Variants in GAK observed in about 807,000 individuals in gnomAD.
GAK encodes cyclin-G-associated kinase.
GAK carries 79 observed loss-of-function variants against 143.9 expected under a neutral mutation model. That is an observed-to-expected ratio of 0.55 (90% CI 0.46 to 0.66). The LOEUF (loss-of-function observed/expected upper bound fraction) is 0.66, where lower values mean the gene tolerates loss of function less well. GAK is among the 30% of genes least tolerant of loss of function. GAK has a pLI of 0.00. For missense variants in GAK, 1,693 were observed against 1,779.7 expected, an observed-to-expected ratio of 0.95 and a Z score of 0.88; for synonymous variants, 881 against 765.5, an observed-to-expected ratio of 1.15 and a Z score of -2.49.
intron 20 of GAK, among the ~76,000 whole-genome samples, chr4:868,183 C>A (rs556611256): frequency 2.0e-5 from 3 of 152,252 alleles, no homozygotes; most frequent in Admixed American, 2.0e-4. Flanking sequence ...GGTGTGGGAT[C>A]CCCAGGTGGT....
At chr4:876,411 C>A (rs1713888140) in intron 18 of GAK, 119 bp downstream of exon 18, 2 of 834,522 alleles carry the variant, frequency 2.4e-6, no homozygotes, top group Admixed American at 4.0e-5. Context: ...CCCAGAGCCA[C>A]CAAGCAGCAG....
At chr4:907,397 T>C (rs1215378061) in intron 4 of GAK, among the ~76,000 whole-genome samples, 2 of 151,974 alleles carry the variant, frequency 1.3e-5, no homozygotes, top group Non-Finnish European at 2.9e-5. Flanking sequence ...GGGGCACCCA[T>C]AGAAGGAATG....
intron 18 of GAK, 59 bp downstream of exon 18, chr4:876,471 A>G: frequency 1.4e-6 from 2 of 1,451,024 alleles, no homozygotes; most frequent in Non-Finnish European, 1.9e-6. Flanking sequence ...GCCCACATGC[A>G]GGTGCTGCGG....
chr4:859,503 C>T, intron 24 of GAK, 103 bp downstream of exon 24: 1 of 1,600,264 alleles, frequency 6.2e-7, no homozygotes, highest in Non-Finnish European at 8.5e-7. Context: ...TCTTAGTGAA[C>T]AGAGGCAAAG....
chr4:930,356 T>G (rs1279513676), intron 1 of GAK, among the ~76,000 whole-genome samples: 1 of 152,032 alleles, frequency 6.6e-6, no homozygotes, highest in Non-Finnish European at 1.5e-5. Context: ...GGAAACAAGT[T>G]CTTTTGCACA....
At chr4:904,908 CA>C (rs1720792641) in intron 4 of GAK, 129 bp from the exon 5 acceptor site, 1 of 871,460 alleles carries the variant, frequency 1.1e-6, no homozygotes, top group South Asian at 1.7e-5. Context: ...ACCTAAGTAA[CA>C]AAACGACCAG....
At chr4:920,679 GACT>G (rs954605490) in intron 1 of GAK, among the ~76,000 whole-genome samples, 2 of 151,590 alleles carry the variant, frequency 1.3e-5, no homozygotes, top group Non-Finnish European at 2.9e-5. Context: ...AAGTAGCTGG[GACT>G]ACAGGCGCCC....
At chr4:909,715 T>C (rs1325463654) in intron 4 of GAK, among the ~76,000 whole-genome samples, 1 of 152,120 alleles carries the variant, frequency 6.6e-6, no homozygotes, top group Non-Finnish European at 1.5e-5. Context: ...ACGGTTAGAA[T>C]GGAGAGAGGG....
At chr4:876,324 G>A (rs555713215) in intron 18 of GAK, among the ~76,000 whole-genome samples, 7 of 151,856 alleles carry the variant, frequency 4.6e-5, no homozygotes, top group East Asian at 2.0e-4. Context: ...ACACACCAAC[G>A]GGGGGGCAGA....
chr4:849,524 C>T lies in GAK; in HGVS notation c.*149G>A, dbSNP rs1747675372. 3.2e-6 allele frequency: 2 copies of T among 619,702 alleles called. No homozygotes were observed. 38.4% of individuals were successfully genotyped at this position (619,702 alleles called of 1,614,324 possible). ...TTTGGAATGCTTTCTCTTCATGTGC[C>T]TGGAACGCTGGGCGGGCGGTGACCC... On this transcript the variant is annotated 3_prime_UTR_variant, in exon 28 of 28. Coordinates refer to ENST00000314167, the MANE Select transcript of GAK (RefSeq NM_005255.4).
At chr4:928,233 T>C (rs1029373640) in intron 1 of GAK, among the ~76,000 whole-genome samples, 3 of 152,206 alleles carry the variant, frequency 2.0e-5, no homozygotes, top group Non-Finnish European at 4.4e-5. Flanking sequence ...AGTTTTTGTA[T>C]TTTCAGTAGA....
chr4:887,134 C>G (rs539795700), intron 11 of GAK: 29 of 151,946 alleles, frequency 1.9e-4, no homozygotes, highest in African/African-American at 7.0e-4. Context: ...GCACGCGGCT[C>G]ACACACATGC....
chr4:876,926 C>T (rs1714032784), intron 17 of GAK, among the ~76,000 whole-genome samples, 164 bp downstream of exon 17: 1 of 152,236 alleles, frequency 6.6e-6, no homozygotes, highest in East Asian at 1.9e-4. Context: ...GTGCACGGGG[C>T]AAGCAGGGGG....
At position 923,354 on chromosome 4, in the gene GAK, A is replaced by G. The variant is rs181771214; in HGVS notation, c.145+8689T>C. Among the ~76,000 whole-genome samples, 14 of 152,350 alleles carry G rather than the reference A, an allele frequency of 9.2e-5. No homozygotes were observed. The East Asian group carries it at 2.3e-3, about 25-fold the overall frequency. ...CAAGACCCTGTTATATACATTTTAC[A>G]GCACACACTCTGCCAATTAAGGAAC... On this transcript the variant is annotated intron_variant, in intron 1 of 27. Transcript: ENST00000314167.
At chr4:872,092 G>A (rs538998144) in intron 18 of GAK, among the ~76,000 whole-genome samples, 15 of 152,334 alleles carry the variant, frequency 9.8e-5, no homozygotes, top group African/African-American at 1.2e-4. Context: ...AGACGGGCCC[G>A]GCGGCCTGTG....
chr4:912,185 A>G (rs759338261), intron 3 of GAK: 26 of 456,938 alleles, frequency 5.7e-5, no homozygotes, highest in Non-Finnish European at 8.8e-5. Context: ...CTAGGAGAGG[A>G]AAGAGAGGCA....
intron 1 of GAK, among the ~76,000 whole-genome samples, chr4:931,627 T>C (rs1391059135): frequency 2.0e-5 from 3 of 152,200 alleles, no homozygotes; most frequent in East Asian, 3.9e-4. Context: ...GCTGTCGGCC[T>C]TCTAGGCACC....
At chr4:849,833 G>GGGGGGGGGGGGCCCCCCCCCCCC in intron 27 of GAK, 59 bp from the exon 28 acceptor site, 2 of 1,190,156 alleles carry the variant, frequency 1.7e-6, no homozygotes, top group Non-Finnish European at 2.3e-6. Flanking sequence ...GGCGGGGCAG[G>GGGGGGGGGGGGCCCCCCCCCCCC]ACCCCCCCCC....
chr4:868,387 G>C, intron 20 of GAK, 152 bp downstream of exon 20: 1 of 655,826 alleles, frequency 1.5e-6, no homozygotes, highest in South Asian at 2.0e-5. Context: ...AGCCATTAAA[G>C]AACAGGCTGA....
Sources: gnomAD v4.1 joint callset for allele counts (sites outside exome capture counted in the v4.1 genomes callset) on GRCh38, gnomAD v4.1.1 for gene constraint, MANE v1.5 for transcripts, NCBI Gene and HGNC (gene_info 2026-07-23, HGNC 2026-07-21) for gene names.